BICRAL: variants seen among roughly 807,000 people sequenced by gnomAD.
BICRAL encodes BRD4-interacting chromatin-remodeling complex-associated protein-like.
In BICRAL, 8 loss-of-function variants were observed where a neutral mutation model predicts 91.8. The ratio of observed to expected loss-of-function variants is 0.09; its 90% CI spans 0.05 to 0.16. The LOEUF (loss-of-function observed/expected upper bound fraction) is 0.16. BICRAL is among the 10% of genes least tolerant of loss of function. The pLI is 1.00. For synonymous variants in BICRAL, 445 were observed against 491.1 expected, an observed-to-expected ratio of 0.91 and a Z score of 1.24; for missense variants, 1,038 against 1,310.9, an observed-to-expected ratio of 0.79 and a Z score of 3.21.
At position 42,868,292 on chromosome 6, in the gene BICRAL, G is replaced by C. The variant is rs1765771827; in HGVS notation, c.*2846G>C. The C allele has an allele frequency of 6.6e-6, 1 of 152,250 alleles. No individual in the cohort carries two copies. Among genetic ancestry groups the C allele is most frequent in the African/African-American group, 2.4e-5 (1 of 41,316 alleles). The allele number at this position is 152,250 out of a possible 1,614,324, so 9.4% of individuals were successfully genotyped here. A position where few individuals can be genotyped will look rare whatever the true frequency, so the allele number is the denominator to read the frequency against. On this transcript the variant is annotated 3_prime_UTR_variant, in exon 13 of 13. Transcript: ENST00000314073. ...GGACGCGTCACTCGCTGTCAGTGTG[G>C]TGTGGGCTTTATTTGCTTAAATACC...
At chr6:42,860,495 A>G (rs1554283513) in intron 11 of BICRAL, 139 bp downstream of exon 11, 2 of 560,540 alleles carry the variant, frequency 3.6e-6, no homozygotes, top group Non-Finnish European at 6.4e-6. Flanking sequence ...ACTTACGCTT[A>G]GCTGCTACTA....
Position 42,770,636 on chromosome 6 carries a change from G to A in BICRAL, c.-260-11203G>A, listed in dbSNP as rs1426159297. On this transcript the variant is annotated intron_variant, in intron 1 of 14. Coordinates refer to the BICRAL transcript ENST00000614467. ...TCACCATGTTGGCCAGGCTGGTCTC[G>A]AACTCCTGACCTCAGGTGATCCACC... Among the ~76,000 whole-genome samples, 5 of 151,404 alleles carry A rather than the reference G, an allele frequency of 3.3e-5. No individual in the cohort carries two copies. In the South Asian group the frequency reaches 6.3e-4, roughly 19 times the overall value.
chr6:42,760,570 T>C (rs1006924324), intron 1 of BICRAL, among the ~76,000 whole-genome samples: 4 of 151,662 alleles, frequency 2.6e-5, no homozygotes. Flanking sequence ...TTATTATTAT[T>C]ACTATTATTA....
chr6:42,842,820 C>G (rs1764843161), intron 6 of BICRAL, among the ~76,000 whole-genome samples: 1 of 151,928 alleles, frequency 6.6e-6, no homozygotes, highest in Admixed American at 6.6e-5. Context: ...ACAATGTATC[C>G]CAGACAGACA....
At chr6:42,781,900 A>G (rs574361959), upstream of BICRAL, 1 of 144,994 alleles carries the variant, frequency 6.9e-6, no homozygotes, top group East Asian at 2.0e-4. Flanking sequence ...GCAGAGCATG[A>G]AGGCCGGGCG....
At chr6:42,797,767 A>C (rs2113892235) in intron 1 of BICRAL, among the ~76,000 whole-genome samples, 1 of 152,218 alleles carries the variant, frequency 6.6e-6, no homozygotes, top group Admixed American at 6.5e-5. Context: ...TGAGGTCAGG[A>C]GTTTGAGAGA....
chr6:42,792,450 A>T (rs566703113), intron 1 of BICRAL, among the ~76,000 whole-genome samples: 1,727 of 119,786 alleles, frequency 0.014, 6 homozygotes, highest in Non-Finnish European at 0.019. Flanking sequence ...TTTTTTTTTT[A>T]AATGTAGAGA....
intron 8 of BICRAL, among the ~76,000 whole-genome samples, chr6:42,854,433 C>T (rs1397009802): frequency 6.6e-6 from 1 of 152,180 alleles, no homozygotes; most frequent in Admixed American, 6.6e-5. Context: ...ATCCACCCAC[C>T]TCAGCCTCCC....
intron 2 of BICRAL, among the ~76,000 whole-genome samples, chr6:42,813,643 C>T (rs575419798): frequency 6.6e-6 from 1 of 152,208 alleles, no homozygotes; most frequent in South Asian, 2.1e-4. Flanking sequence ...ACCTCAGCCT[C>T]CTGAGCAGCT....
At chr6:42,847,372 GT>G (rs112707359) in intron 6 of BICRAL, among the ~76,000 whole-genome samples, 190 of 152,246 alleles carry the variant, frequency 1.2e-3, no homozygotes, top group African/African-American at 4.3e-3. Context: ...TTTGCTGAGA[GT>G]TTTTTTCATG....
chr6:42,777,128 A>G (rs1309427417), upstream of BICRAL, among the ~76,000 whole-genome samples: 7 of 152,202 alleles, frequency 4.6e-5, no homozygotes. Flanking sequence ...GAATCATAGG[A>G]GACTGCCATT....
chr6:42,856,588 G>A (rs1009129111), intron 9 of BICRAL, among the ~76,000 whole-genome samples: 1 of 151,672 alleles, frequency 6.6e-6, no homozygotes, highest in Non-Finnish European at 1.5e-5. Flanking sequence ...TGGCCAGGCT[G>A]GTCTTGAACT....
At chr6:42,800,896 G>C (rs564684654) in intron 1 of BICRAL, among the ~76,000 whole-genome samples, 2 of 148,568 alleles carry the variant, frequency 1.3e-5, no homozygotes, top group East Asian at 2.0e-4. Context: ...CATTGACAGA[G>C]AGCAAAGAGT....
At chr6:42,809,387 C>T (rs1190359187) in intron 1 of BICRAL, among the ~76,000 whole-genome samples, 1 of 148,832 alleles carries the variant, frequency 6.7e-6, no homozygotes, top group Non-Finnish European at 1.5e-5. Context: ...GAACGAGGGT[C>T]GTTTATTGCC....
intron 1 of BICRAL, among the ~76,000 whole-genome samples, chr6:42,783,913 A>G (rs1482236669): frequency 1.3e-5 from 2 of 152,118 alleles, no homozygotes; most frequent in Admixed American, 1.3e-4. Context: ...CAGGGCATTG[A>G]GCCTTTTCCT....
chr6:42,838,620 AT>A (rs1764704764), intron 6 of BICRAL, among the ~76,000 whole-genome samples: 2 of 152,188 alleles, frequency 1.3e-5, no homozygotes, highest in African/African-American at 4.8e-5. Context: ...TGATTTTATA[AT>A]TGTAGTATCC....
In BICRAL at chr6:42,823,804, A is replaced by G. The variant is rs533886331; in HGVS notation, c.159+801A>G. On this transcript the variant is annotated intron_variant, in intron 5 of 12. Coordinates refer to ENST00000314073, the MANE Select transcript of BICRAL (RefSeq NM_001393499.1). ...GCCAGGCATGGTGGTAGGCGCCTGT[A>G]ATCCCAGCTACTCGGGAGCCTGTGG... Among the ~76,000 whole-genome samples the G allele has an allele frequency of 4.3e-4, 66 of 152,258 alleles. 1 individual carries two copies. The South Asian group carries it at 0.013, about 29-fold the overall frequency.
intron 6 of BICRAL, among the ~76,000 whole-genome samples, chr6:42,840,064 C>T (rs1396117890): frequency 6.6e-6 from 1 of 152,094 alleles, no homozygotes; most frequent in African/African-American, 2.4e-5. Flanking sequence ...TAGTATAGGT[C>T]CAAATTTCTC....
chr6:42,863,536 C>T (rs1765620568), intron 12 of BICRAL, among the ~76,000 whole-genome samples: 1 of 152,162 alleles, frequency 6.6e-6, no homozygotes, highest in South Asian at 2.1e-4. Flanking sequence ...GAAGTGCTTT[C>T]ACCCAAAGAC....
Sources: gnomAD v4.1 joint callset for allele counts (sites outside exome capture counted in the v4.1 genomes callset) on GRCh38, gnomAD v4.1.1 for gene constraint, MANE v1.5 for transcripts, NCBI Gene and HGNC (gene_info 2026-07-23, HGNC 2026-07-21) for gene names.